Variants in MYO16 observed in about 807,000 individuals in gnomAD.
MYO16 encodes the protein myosin XVI.
Under a neutral mutation model 205.3 loss-of-function variants are expected in MYO16, and 94 were observed. The observed-to-expected ratio is 0.46, with a 90% CI of 0.39 to 0.54. The LOEUF (loss-of-function observed/expected upper bound fraction) is 0.54, where lower values mean the gene tolerates loss of function less well. MYO16 is among the 20% of genes least tolerant of loss of function. The pLI, the probability that MYO16 is intolerant of heterozygous loss-of-function variation, is 0.00. For missense variants in MYO16, 2,315 were observed against 2,387.5 expected, an observed-to-expected ratio of 0.97 and a Z score of 0.63; for synonymous variants, 988 against 954.0, an observed-to-expected ratio of 1.04 and a Z score of -0.66.
Position 109,105,292 on chromosome 13 carries a change from G to A in MYO16, c.3438+4405G>A, listed in dbSNP as rs1203777397. On this transcript the variant is annotated intron_variant, in intron 28 of 34. Coordinates refer to ENST00000457511, the MANE Select transcript of MYO16 (RefSeq NM_001198950.3). ...TCAAGACCAGTCTGGCCAACATGGTGAAACCCTGTCTCTACTAAAAATACA... is the reference window on the plus strand; with the variant it reads ...TCAAGACCAGTCTGGCCAACATGGTAAAACCCTGTCTCTACTAAAAATACA... Among the ~76,000 whole-genome samples the A allele has an allele frequency of 2.6e-5, 4 of 152,294 alleles. No homozygotes were observed. The East Asian group carries it at 7.7e-4, about 29-fold the overall frequency.
intron 4 of MYO16, among the ~76,000 whole-genome samples, chr13:108,765,873 T>G (rs976715034): frequency 1.3e-5 from 2 of 152,186 alleles, no homozygotes; most frequent in Non-Finnish European, 1.5e-5. Context: ...AGTACTGACC[T>G]CCGGCAGTTT....
chr13:109,009,439 A>G (rs757407955), intron 22 of MYO16, among the ~76,000 whole-genome samples: 5 of 152,170 alleles, frequency 3.3e-5, no homozygotes, highest in Non-Finnish European at 5.9e-5. Context: ...CAAAGTTTCT[A>G]AGATTTAAAT....
intron 12 of MYO16, among the ~76,000 whole-genome samples, chr13:108,877,889 G>T (rs1401260764): frequency 6.6e-6 from 1 of 152,054 alleles, no homozygotes; most frequent in Non-Finnish European, 1.5e-5. Flanking sequence ...CTATTTCCTT[G>T]TTTACATACA....
At chr13:109,115,935 C>A (rs1875654309) in intron 28 of MYO16, among the ~76,000 whole-genome samples, 1 of 148,620 alleles carries the variant, frequency 6.7e-6, no homozygotes, top group African/African-American at 2.5e-5. Context: ...TCAGAAAGAC[C>A]AAACATTTAC....
At chr13:108,530,225 T>C in the MYO16 span, among the ~76,000 whole-genome samples, 1 of 152,198 alleles carries the variant, frequency 6.6e-6, no homozygotes, top group Admixed American at 6.5e-5. Flanking sequence ...GAGAGTCCAC[T>C]CTACCAACAG....
intron 1 of MYO16, among the ~76,000 whole-genome samples, chr13:108,647,587 C>A (rs1880811024): frequency 6.6e-6 from 1 of 152,026 alleles, no homozygotes; most frequent in African/African-American, 2.4e-5. Flanking sequence ...TTTTTCTCAA[C>A]TTAAAATTGA....
chr13:108,856,662 A>G (rs1269709258), intron 11 of MYO16, among the ~76,000 whole-genome samples: 1 of 152,122 alleles, frequency 6.6e-6, no homozygotes, highest in Non-Finnish European at 1.5e-5. Context: ...TAATTATAGA[A>G]GCCTGGAAGA....
intron 12 of MYO16, among the ~76,000 whole-genome samples, chr13:108,881,443 CTT>C (rs1879612296): frequency 6.6e-6 from 1 of 152,198 alleles, no homozygotes; most frequent in South Asian, 2.1e-4. Context: ...TGGAGAATGA[CTT>C]TGACGAGTTG....
rs1334343267 is a variant in MYO16 at position 108,771,342 on chromosome 13, A to C, written c.508-14293A>C. ...TTATGTGAGATGCCATCATTTATTT[A>C]GACTTTTTTTAGAGCAGTTTTAGGT... On this transcript the variant is annotated intron_variant, in intron 4 of 34. Coordinates refer to ENST00000457511, the MANE Select transcript of MYO16 (RefSeq NM_001198950.3). Among the ~76,000 whole-genome samples the C allele has an allele frequency of 2.0e-5, 3 of 152,310 alleles. No individual in the cohort carries two copies. In the East Asian group the frequency reaches 5.8e-4, roughly 29 times the overall value.
Position 109,125,034 on chromosome 13 carries a change from A to G in MYO16, c.3536-78A>G. ...ATTCTACAACTGCTCAGAGATAAGT[A>G]TATTATGATTTTTGTTTGTGCATGT... On this transcript the variant is annotated intron_variant, in intron 29 of 34. Transcript: ENST00000457511. This position sits in a 1 kb window ranked among gnomAD's most constrained non-coding sequence, Gnocchi z 4.0. 2 of 1,441,700 alleles carry G rather than the reference A, an allele frequency of 1.4e-6. No individual in the cohort carries two copies. Among genetic ancestry groups the G allele is most frequent in the South Asian group, 1.3e-5 (1 of 77,840 alleles). The allele number at this position is 1,441,700 out of a possible 1,614,324, so 89.3% of individuals were successfully genotyped here. A position where few individuals can be genotyped will look rare whatever the true frequency, so the allele number is the denominator to read the frequency against.
At chr13:108,747,874 A>G (rs1285030031) in intron 4 of MYO16, among the ~76,000 whole-genome samples, 3 of 152,172 alleles carry the variant, frequency 2.0e-5, no homozygotes, top group African/African-American at 7.2e-5. Context: ...CAGAGTAGCT[A>G]TATTAATTTT....
At chr13:108,619,296 T>G (rs1202166044) in intron 1 of MYO16, among the ~76,000 whole-genome samples, 2 of 152,176 alleles carry the variant, frequency 1.3e-5, no homozygotes, top group African/African-American at 4.8e-5. Flanking sequence ...AAAAAATTAT[T>G]AAATGTCTAC....
intron 27 of MYO16, among the ~76,000 whole-genome samples, chr13:109,071,142 AT>A (rs911564746): frequency 3.5e-4 from 53 of 152,246 alleles, no homozygotes; most frequent in Admixed American, 1.1e-3. Flanking sequence ...AGAAATCCAT[AT>A]TTTTTTAAAA....
At chr13:108,790,226 A>T (rs1886576805) in intron 5 of MYO16, among the ~76,000 whole-genome samples, 1 of 152,180 alleles carries the variant, frequency 6.6e-6, no homozygotes, top group Admixed American at 6.5e-5. Flanking sequence ...GGAAAAGTTG[A>T]ATTCTTACAA....
intron 16 of MYO16, among the ~76,000 whole-genome samples, chr13:108,939,280 T>C (rs1054638568): frequency 6.6e-6 from 1 of 152,196 alleles, no homozygotes; most frequent in Non-Finnish European, 1.5e-5. Context: ...CTCCCCGAGT[T>C]AACTTCAGGG....
At chr13:109,189,901 A>G (rs760921609) in intron 34 of MYO16, among the ~76,000 whole-genome samples, 7 of 148,870 alleles carry the variant, frequency 4.7e-5, no homozygotes, top group Non-Finnish European at 1.0e-4. Flanking sequence ...TTGATTCCCT[A>G]CCACGATTTG....
the MYO16 span, among the ~76,000 whole-genome samples, chr13:108,543,211 A>G: frequency 6.6e-6 from 1 of 152,316 alleles, no homozygotes; most frequent in African/African-American, 2.4e-5. Context: ...TGTTTGAAAA[A>G]GAGATATTTC....
At chr13:109,194,772 GGGAA>G (rs1262384905) in intron 34 of MYO16, among the ~76,000 whole-genome samples, 2 of 152,088 alleles carry the variant, frequency 1.3e-5, no homozygotes, top group East Asian at 3.9e-4. Context: ...TTTAGGCTAG[GGGAA>G]GGCAGTGGCA....
chr13:108,663,113 G>C (rs1442579473), intron 1 of MYO16, among the ~76,000 whole-genome samples: 1 of 152,148 alleles, frequency 6.6e-6, no homozygotes, highest in Non-Finnish European at 1.5e-5. Flanking sequence ...GTTTCTCCCA[G>C]GTCCTGCAGG....
Sources: gnomAD v4.1 joint callset for allele counts (sites outside exome capture counted in the v4.1 genomes callset) on GRCh38, gnomAD v4.1.1 for gene constraint, Gnocchi (gnomAD v3.1) non-coding constraint, MANE v1.5 for transcripts, NCBI Gene and HGNC (gene_info 2026-07-23, HGNC 2026-07-21) for gene names.